ANK3: variants seen among roughly 807,000 people sequenced by gnomAD.
The protein encoded by ANK3 is ankyrin-3.
Under a neutral mutation model 370.9 loss-of-function variants are expected in ANK3, and 57 were observed. The observed-to-expected ratio is 0.15, with a 90% CI of 0.12 to 0.19. The LOEUF (loss-of-function observed/expected upper bound fraction) is 0.19, where lower values mean the gene tolerates loss of function less well. Among genes scored for constraint, ANK3 ranks in the 10% least tolerant of loss-of-function variants. The probability of loss-of-function intolerance (pLI) is 1.00; values close to 1 mark genes in which losing one functional copy is unlikely to be tolerated. For synonymous variants in ANK3, 1,929 were observed against 1,946.3 expected (o/e 0.99, Z 0.23); for missense variants, 4,439 against 5,302.1 (o/e 0.84, Z 5.06).
chr10:60,186,647 C>T (rs527360828), intron 17 of ANK3, 68 bp downstream of exon 17: 4 of 1,480,048 alleles, frequency 2.7e-6, no homozygotes, highest in South Asian at 2.4e-5. Flanking sequence ...TCTGTGAATT[C>T]TTAGTGACCT....
intron 42 of ANK3, among the ~76,000 whole-genome samples, chr10:60,052,167 C>G (rs1326775608): frequency 2.6e-5 from 4 of 152,104 alleles, no homozygotes; most frequent in African/African-American, 9.7e-5. Context: ...TCGAGACCAG[C>G]CTGACCAACA....
At chr10:60,353,747 G>T (rs1473536314) in intron 1 of ANK3, among the ~76,000 whole-genome samples, 1 of 152,146 alleles carries the variant, frequency 6.6e-6, no homozygotes, top group African/African-American at 2.4e-5. Flanking sequence ...AAGATCACAC[G>T]GGCAGTTTTT....
intron 1 of ANK3, among the ~76,000 whole-genome samples, chr10:60,643,000 T>G (rs546946829): frequency 7.2e-4 from 109 of 152,276 alleles, no homozygotes; most frequent in African/African-American, 2.5e-3. Context: ...ATTTTCACTC[T>G]TATATTTTCC....
intron 2 of ANK3, among the ~76,000 whole-genome samples, chr10:60,464,915 C>A (rs936798056): frequency 6.6e-6 from 1 of 152,160 alleles, no homozygotes; most frequent in Non-Finnish European, 1.5e-5. Context: ...CCTTCCAAAG[C>A]AAATGTTTCA....
At chr10:60,210,385 G>A (rs534887273) in intron 9 of ANK3, among the ~76,000 whole-genome samples, 12 of 151,976 alleles carry the variant, frequency 7.9e-5, no homozygotes, top group African/African-American at 1.7e-4. Context: ...AAGAATATAC[G>A]GGGACCACAG....
intron 1 of ANK3, among the ~76,000 whole-genome samples, chr10:60,367,965 G>A (rs941330507): frequency 6.6e-6 from 1 of 152,158 alleles, no homozygotes; most frequent in Non-Finnish European, 1.5e-5. Flanking sequence ...TGTGAATGCA[G>A]ATGGAAATTT....
chr10:60,364,155 A>C (rs1197758789), intron 1 of ANK3, among the ~76,000 whole-genome samples: 1 of 151,678 alleles, frequency 6.6e-6, no homozygotes, highest in South Asian at 2.1e-4. Context: ...TTAGCCGGGC[A>C]TGGTGGTGGG....
In ANK3 at chr10:60,027,392, G is replaced by A. The variant is rs1383017362; in HGVS notation, c.*2454C>T. ...GTAGTGGCACATTTTATTTATTTGG[G>A]ATACCATGCAGATGCAACCTAGCCC... On this transcript the variant is annotated 3_prime_UTR_variant, in exon 44 of 44. Coordinates refer to ENST00000280772, the MANE Select transcript of ANK3 (RefSeq NM_020987.5). The A allele has an allele frequency of 6.7e-6, 1 of 149,752 alleles. No homozygotes were observed. The highest frequency in any genetic ancestry group is 6.7e-5 in the Admixed American group (1 of 14,930). 9.3% of individuals were successfully genotyped at this position (149,752 alleles called of 1,614,324 possible). A position where few individuals can be genotyped will look rare whatever the true frequency, so the allele number is the denominator to read the frequency against.
At chr10:60,607,236 C>G (rs1325395255) in intron 2 of ANK3, among the ~76,000 whole-genome samples, 2 of 152,066 alleles carry the variant, frequency 1.3e-5, no homozygotes, top group African/African-American at 4.8e-5. Flanking sequence ...TATAAACCAT[C>G]CCATAAGGTA....
chr10:60,127,300 G>A (rs980849952), intron 25 of ANK3, among the ~76,000 whole-genome samples: 2 of 152,170 alleles, frequency 1.3e-5, no homozygotes, highest in African/African-American at 4.8e-5. Flanking sequence ...GAACAGGAGG[G>A]ACTTATGCCC....
chr10:60,359,285 T>C lies in ANK3; in HGVS notation c.114+30140A>G, dbSNP rs75212768. On this transcript the variant is annotated intron_variant, in intron 1 of 43. Coordinates refer to ENST00000280772, the MANE Select transcript of ANK3 (RefSeq NM_020987.5). ...TGCTGCCCTCACTCTCCCAATTTGA[T>C]TGAGACCCTGTGATGTCAGTGGCCT... Among the ~76,000 whole-genome samples the C allele has an allele frequency of 4.6e-3, 699 of 152,262 alleles. 1 individual carries two copies. The highest frequency in any genetic ancestry group is 0.016 in the African/African-American group (678 of 41,548).
At chr10:60,124,837 C>G (rs1307960284) in intron 25 of ANK3, among the ~76,000 whole-genome samples, 2 of 152,318 alleles carry the variant, frequency 1.3e-5, no homozygotes, top group Non-Finnish European at 2.9e-5. Flanking sequence ...AAGCTAAACA[C>G]TCCTCACAGC....
chr10:60,282,689 TTC>T (rs2098182179), intron 1 of ANK3, among the ~76,000 whole-genome samples: 1 of 152,154 alleles, frequency 6.6e-6, no homozygotes, highest in African/African-American at 2.4e-5. Flanking sequence ...TATCAAACAA[TTC>T]TCTGAGATAG....
chr10:60,188,016 C>T (rs2096388126), intron 16 of ANK3, among the ~76,000 whole-genome samples: 1 of 152,144 alleles, frequency 6.6e-6, no homozygotes, highest in African/African-American at 2.4e-5. Flanking sequence ...TATTTAGTGG[C>T]ACTCTTTTGT....
chr10:60,674,351 G>A (rs2079098596), intron 1 of ANK3, among the ~76,000 whole-genome samples: 1 of 152,102 alleles, frequency 6.6e-6, no homozygotes, highest in South Asian at 2.1e-4. Context: ...GCCAGCATCT[G>A]CTTCTGGTGA....
At chr10:60,646,381 G>C (rs1360314853) in intron 1 of ANK3, among the ~76,000 whole-genome samples, 1 of 152,154 alleles carries the variant, frequency 6.6e-6, no homozygotes, top group African/African-American at 2.4e-5. Flanking sequence ...GAAGGGATTA[G>C]TAGAAGGCAA....
chr10:60,503,674 AG>A (rs1200282067), intron 2 of ANK3, among the ~76,000 whole-genome samples: 1 of 152,152 alleles, frequency 6.6e-6, no homozygotes, highest in African/African-American at 2.4e-5. Context: ...AACATAATTC[AG>A]TTTATTAGAA....
intron 2 of ANK3, among the ~76,000 whole-genome samples, chr10:60,407,524 T>C (rs1454501046): frequency 6.6e-6 from 1 of 152,228 alleles, no homozygotes. Context: ...AATACCATCA[T>C]AGCAATAATA....
At chr10:60,234,214 C>T (rs2097294508) in intron 8 of ANK3, among the ~76,000 whole-genome samples, 1 of 152,136 alleles carries the variant, frequency 6.6e-6, no homozygotes, top group Non-Finnish European at 1.5e-5. Flanking sequence ...TTTTGAGATC[C>T]TGCTTTCAAT....
Sources: gnomAD v4.1 joint callset for allele counts (sites outside exome capture counted in the v4.1 genomes callset) on GRCh38, gnomAD v4.1.1 for gene constraint, MANE v1.5 for transcripts, NCBI Gene and HGNC (gene_info 2026-07-23, HGNC 2026-07-21) for gene names.